SRD5A1: variants seen among roughly 807,000 people sequenced by gnomAD.
SRD5A1 encodes steroid 5 alpha-reductase 1.
In SRD5A1, 22 loss-of-function variants were observed where a neutral mutation model predicts 28.2. The ratio of observed to expected loss-of-function variants is 0.78; its 90% CI spans 0.56 to 1.12. SRD5A1 has a LOEUF of 1.12. Among genes scored for constraint, SRD5A1 ranks in the 50% most tolerant of loss-of-function variants. The pLI is 0.00. For missense variants in SRD5A1, 300 were observed against 346.7 expected, an observed-to-expected ratio of 0.87 and a Z score of 1.07; for synonymous variants, 151 against 135.0, an observed-to-expected ratio of 1.12 and a Z score of -0.82.
chr5:6,640,514 G>A (rs1738328502), intron 1 of SRD5A1, among the ~76,000 whole-genome samples: 1 of 148,348 alleles, frequency 6.7e-6, no homozygotes, highest in Admixed American at 6.9e-5. Flanking sequence ...ACAACTTGAT[G>A]AAAAGCAAGT....
At position 6,669,784 on chromosome 5, in the gene SRD5A1, T is replaced by G. The variant is rs1739308820; in HGVS notation, c.*1516T>G. The G allele has an allele frequency of 6.6e-6, 1 of 152,246 alleles. No homozygotes were observed. The highest frequency in any genetic ancestry group is 2.1e-4 in the South Asian group (1 of 4,832). 9.4% of individuals were successfully genotyped at this position (152,246 alleles called of 1,614,324 possible). ...ATCTGATGAGCTGAACATACACCTTTCCTTCTCCCCTCTCTATTCTGACCC... is the reference window on the plus strand; with the variant it reads ...ATCTGATGAGCTGAACATACACCTTGCCTTCTCCCCTCTCTATTCTGACCC... On this transcript the variant is annotated 3_prime_UTR_variant, in exon 5 of 5. Coordinates refer to ENST00000274192, the MANE Select transcript of SRD5A1 (RefSeq NM_001047.4).
chr5:6,642,028 C>A (rs948791543), intron 1 of SRD5A1, among the ~76,000 whole-genome samples: 1 of 152,146 alleles, frequency 6.6e-6, no homozygotes, highest in African/African-American at 2.4e-5. Flanking sequence ...TAGGTATTTA[C>A]GATGAGAGAA....
intron 3 of SRD5A1, among the ~76,000 whole-genome samples, chr5:6,658,999 C>T (rs1303884853): frequency 6.6e-6 from 1 of 152,022 alleles, no homozygotes; most frequent in Non-Finnish European, 1.5e-5. Context: ...CACCTGTAGT[C>T]CCAGCCACTC....
chr5:6,666,178 C>T (rs548591463), intron 4 of SRD5A1, among the ~76,000 whole-genome samples: 25 of 151,854 alleles, frequency 1.6e-4, no homozygotes, highest in African/African-American at 2.9e-4. Context: ...GAGACAGTCT[C>T]GCTCTGTCGC....
chr5:6,671,877 G>C lies in SRD5A1; in HGVS notation c.*3609G>C, dbSNP rs1021427264. ...TTCCAGGTCCTCTCTCCACCACTGA[G>C]CCTCGTGGGGACATAAAGAGCTGCC... On this transcript the variant is annotated 3_prime_UTR_variant, in exon 5 of 5. Transcript: ENST00000274192. 1 of 152,244 alleles carries C rather than the reference G, an allele frequency of 6.6e-6. No homozygotes were observed. Among genetic ancestry groups the C allele is most frequent in the Non-Finnish European group, 1.5e-5 (1 of 68,060 alleles). The allele number at this position is 152,244 out of a possible 1,614,324, so 9.4% of individuals were successfully genotyped here.
chr5:6,661,476 A>G (rs555568450), intron 3 of SRD5A1, among the ~76,000 whole-genome samples: 2 of 148,370 alleles, frequency 1.3e-5, no homozygotes, highest in Admixed American at 6.7e-5. Flanking sequence ...TCTCTACCCT[A>G]TGCTGCAGTA....
intron 2 of SRD5A1, among the ~76,000 whole-genome samples, chr5:6,653,828 G>A (rs1410511838): frequency 2.0e-5 from 3 of 152,134 alleles, no homozygotes; most frequent in African/African-American, 7.2e-5. Flanking sequence ...GCTGGTCAGA[G>A]ATTCCAAACA....
chr5:6,662,195 G>T (rs1739026855), intron 3 of SRD5A1, among the ~76,000 whole-genome samples: 1 of 152,182 alleles, frequency 6.6e-6, no homozygotes, highest in South Asian at 2.1e-4. Flanking sequence ...CACCTTCCCT[G>T]TGGCCTGTTG....
chr5:6,640,177 G>T (rs1738319139), intron 1 of SRD5A1, among the ~76,000 whole-genome samples: 1 of 152,094 alleles, frequency 6.6e-6, no homozygotes, highest in African/African-American at 2.4e-5. Flanking sequence ...ATGTTCTCTG[G>T]CCATGTCACC....
intron 4 of SRD5A1, among the ~76,000 whole-genome samples, chr5:6,667,376 T>TA (rs1739216730): frequency 6.6e-6 from 1 of 152,228 alleles, no homozygotes; most frequent in Admixed American, 6.5e-5. Context: ...GTGTTAAACT[T>TA]AACTAAGACC....
chr5:6,644,794 T>A (rs1418756071), intron 1 of SRD5A1: 1 of 438,136 alleles, frequency 2.3e-6, no homozygotes, highest in African/African-American at 2.0e-5. Flanking sequence ...AACCAAATTC[T>A]GCTTGTTCCA....
chr5:6,649,677 C>T (rs768422409), intron 1 of SRD5A1, among the ~76,000 whole-genome samples: 9 of 152,204 alleles, frequency 5.9e-5, no homozygotes, highest in Non-Finnish European at 1.2e-4. Context: ...CTTCCCTTGG[C>T]TAGGAAAGGG....
chr5:6,646,551 G>C (rs958419912), intron 1 of SRD5A1, among the ~76,000 whole-genome samples: 4 of 152,160 alleles, frequency 2.6e-5, no homozygotes, highest in African/African-American at 9.7e-5. Flanking sequence ...GATTTTTCTA[G>C]TTTATTTGCA....
chr5:6,639,365 A>G (rs1042437096), intron 1 of SRD5A1, among the ~76,000 whole-genome samples: 4 of 152,206 alleles, frequency 2.6e-5, no homozygotes, highest in African/African-American at 9.7e-5. Flanking sequence ...ATGAGTATGA[A>G]CAGTTATTTA....
intron 1 of SRD5A1, among the ~76,000 whole-genome samples, chr5:6,635,615 C>T (rs971519130): frequency 2.6e-5 from 4 of 152,236 alleles, no homozygotes; most frequent in African/African-American, 9.6e-5. Flanking sequence ...TTGCATGGTG[C>T]TGGCGCATCT....
intron 1 of SRD5A1, among the ~76,000 whole-genome samples, chr5:6,637,436 A>G (rs1738219772): frequency 6.6e-6 from 1 of 152,122 alleles, no homozygotes. Context: ...GCTTTGCTAG[A>G]CACAGCAAAA....
At chr5:6,666,830 A>G (rs998875879) in intron 4 of SRD5A1, among the ~76,000 whole-genome samples, 19 of 152,066 alleles carry the variant, frequency 1.2e-4, no homozygotes, top group Admixed American at 2.0e-4. Flanking sequence ...ATCCTGCGGC[A>G]GTCCTGTGTT....
chr5:6,641,058 CTG>C (rs1280366213), intron 1 of SRD5A1, among the ~76,000 whole-genome samples: 2 of 152,170 alleles, frequency 1.3e-5, no homozygotes, highest in Admixed American at 1.3e-4. Context: ...CCTGTCCTAA[CTG>C]GGGTAGTCTG....
At position 6,654,510 on chromosome 5, in the gene SRD5A1, G is replaced by A. The variant is rs549644737; in HGVS notation, c.461-1568G>A. 5.9e-5 allele frequency among the ~76,000 whole-genome samples: 9 copies of A among 152,232 alleles called. No homozygotes were observed. In the South Asian group the frequency reaches 1.0e-3, roughly 18 times the overall value. On this transcript the variant is annotated intron_variant, in intron 2 of 4. Coordinates refer to ENST00000274192, the MANE Select transcript of SRD5A1 (RefSeq NM_001047.4). Reference sequence around the variant, plus strand: ...GTGCAGTGGCGTGATCTTGGCTCATGGCAACGTGTGCCTCCCAGGCTCAAG... The same window carrying A: ...GTGCAGTGGCGTGATCTTGGCTCATAGCAACGTGTGCCTCCCAGGCTCAAG...
Sources: allele counts gnomAD v4.1 joint callset (sites outside exome capture counted in the v4.1 genomes callset), GRCh38; gene constraint gnomAD v4.1.1; transcripts MANE v1.5; gene names NCBI Gene and HGNC (gene_info 2026-07-23, HGNC 2026-07-21).